The following SLC36A3 variants were observed in gnomAD, a reference collection of about 807,000 sequenced individuals.
SLC36A3 encodes the protein solute carrier family 36 member 3.
In SLC36A3, 35 loss-of-function variants were observed where a neutral mutation model predicts 44.3. The ratio of observed to expected loss-of-function variants is 0.79; its 90% CI spans 0.60 to 1.05. The LOEUF (loss-of-function observed/expected upper bound fraction) is 1.05, where lower values mean the gene tolerates loss of function less well. SLC36A3 is among the 50% of genes least tolerant of loss of function. The pLI is 0.00. For synonymous variants in SLC36A3, 211 were observed against 227.6 expected (o/e 0.93, Z 0.66); for missense variants, 540 against 578.7 (o/e 0.93, Z 0.69).
intron 6 of SLC36A3, among the ~76,000 whole-genome samples, chr5:151,286,479 G>A (rs1245518471): frequency 6.6e-6 from 1 of 152,012 alleles, no homozygotes; most frequent in East Asian, 1.9e-4. Flanking sequence ...TTTTTGTAGA[G>A]GCAGGATTTT....
chr5:151,298,317 G>T (rs1375953820), intron 2 of SLC36A3: 5 of 331,938 alleles, frequency 1.5e-5, no homozygotes, highest in African/African-American at 1.3e-4. Flanking sequence ...GAAATGAGCT[G>T]CATGTGATCC....
At chr5:151,292,848 G>T (rs1445693156) in intron 4 of SLC36A3, among the ~76,000 whole-genome samples, 3 of 152,170 alleles carry the variant, frequency 2.0e-5, no homozygotes, top group Admixed American at 2.0e-4. Flanking sequence ...ACCAGGCGTG[G>T]TGGTGGGCGC....
chr5:151,281,638 T>C (rs1209273972), intron 8 of SLC36A3, among the ~76,000 whole-genome samples: 2 of 152,056 alleles, frequency 1.3e-5, no homozygotes, highest in African/African-American at 2.4e-5. Context: ...ACCAATATGG[T>C]GAAAGCTCGT....
At chr5:151,293,340 T>A (rs1360560749) in intron 4 of SLC36A3, 24 bp downstream of exon 4, 1 of 1,586,376 alleles carries the variant, frequency 6.3e-7, no homozygotes, top group Non-Finnish European at 8.6e-7. Context: ...TTGTTGTTAC[T>A]ACTACAACAT....
At chr5:151,301,201 T>C (rs1402815491) in intron 1 of SLC36A3, among the ~76,000 whole-genome samples, 2 of 152,224 alleles carry the variant, frequency 1.3e-5, no homozygotes, top group African/African-American at 4.8e-5. Flanking sequence ...ATTCATTTCA[T>C]GGTTTGACTA....
chr5:151,287,166 GC>G, intron 6 of SLC36A3, 79 bp downstream of exon 6: 1 of 1,414,784 alleles, frequency 7.1e-7, no homozygotes, highest in South Asian at 1.3e-5. Flanking sequence ...AGCTTCACCT[GC>G]CCATCATGAT....
rs1346950765 is a variant in SLC36A3, at chr5:151,303,361, C to G, written c.-7G>C. 5.0e-6 allele frequency: 8 copies of G among 1,611,950 alleles called. No homozygotes were observed. On this transcript the variant is annotated 5_prime_UTR_variant, in exon 1 of 10. Coordinates refer to ENST00000335230, the MANE Select transcript of SLC36A3 (RefSeq NM_181774.4). Reference sequence around the variant, plus strand: ...CCCTTCCAAGCAATGACATCTTCAACACGGTGGGTAGGTGGCAGAGGCTCA... The same window carrying G: ...CCCTTCCAAGCAATGACATCTTCAAGACGGTGGGTAGGTGGCAGAGGCTCA...
chr5:151,283,917 A>C, intron 8 of SLC36A3, 127 bp downstream of exon 8: 1 of 1,206,776 alleles, frequency 8.3e-7, no homozygotes, highest in Non-Finnish European at 1.1e-6. Flanking sequence ...TGTGAGCAGG[A>C]GAGACATATG....
chr5:151,295,888 T>C lies in SLC36A3; in HGVS notation c.308+292A>G, dbSNP rs527997309. 2.0e-5 allele frequency among the ~76,000 whole-genome samples: 3 copies of C among 152,360 alleles called. No homozygotes were observed. The Middle Eastern group carries it at 0.01, about 518-fold the overall frequency. On this transcript the variant is annotated intron_variant, in intron 3 of 9. Coordinates refer to ENST00000335230, the MANE Select transcript of SLC36A3 (RefSeq NM_181774.4). ...TGTCTCAAATAAATAGAGTAATTTA[T>C]ATAGTGCTTTTGCATCTTTTATCAC...
intron 1 of SLC36A3, among the ~76,000 whole-genome samples, chr5:151,299,706 G>A (rs1349162159): frequency 6.6e-6 from 1 of 152,144 alleles, no homozygotes; most frequent in Admixed American, 6.5e-5. Context: ...CAGCTCTGCC[G>A]CTAACCTACT....
intron 3 of SLC36A3, among the ~76,000 whole-genome samples, chr5:151,293,749 A>T (rs1417422398): frequency 6.6e-6 from 1 of 152,142 alleles, no homozygotes; most frequent in Non-Finnish European, 1.5e-5. Context: ...GAAAGGGGAT[A>T]TGGAGGGGGA....
rs1246473765 is a variant in SLC36A3, at chr5:151,295,663, T to C, written c.308+517A>G. Among the ~76,000 whole-genome samples the C allele has an allele frequency of 3.3e-5, 5 of 152,242 alleles. No homozygotes were observed. The East Asian group carries it at 9.6e-4, about 29-fold the overall frequency. Reference sequence around the variant, plus strand: ...TTTTCTTTCTGAAATTGTTTTTGCATTAAAGTTTCAAATACATAAACATTG... The same window carrying C: ...TTTTCTTTCTGAAATTGTTTTTGCACTAAAGTTTCAAATACATAAACATTG... On this transcript the variant is annotated intron_variant, in intron 3 of 9. Coordinates refer to ENST00000335230, the MANE Select transcript of SLC36A3 (RefSeq NM_181774.4).
At chr5:151,297,589 C>T (rs752174146) in intron 2 of SLC36A3, 1 of 152,184 alleles carries the variant, frequency 6.6e-6, no homozygotes, top group African/African-American at 2.4e-5. Context: ...CAGAGGCTAC[C>T]GTGGGGACGT....
chr5:151,279,912 G>A (rs1420799986), intron 9 of SLC36A3, among the ~76,000 whole-genome samples: 1 of 152,150 alleles, frequency 6.6e-6, no homozygotes, highest in African/African-American at 2.4e-5. Flanking sequence ...TAATCCCACA[G>A]GTGTTTAAGG....
chr5:151,277,697 TG>T, intron 9 of SLC36A3, 36 bp from the exon 10 acceptor site: 1 of 1,599,526 alleles, frequency 6.3e-7, no homozygotes, highest in Non-Finnish European at 8.5e-7. Context: ...TCACTGAATG[TG>T]CTCAGAAACA....
chr5:151,293,296 T>A (rs901273198), intron 4 of SLC36A3, 68 bp downstream of exon 4: 22 of 1,337,148 alleles, frequency 1.6e-5, no homozygotes, highest in South Asian at 2.6e-5. Flanking sequence ...AAAACCTGTG[T>A]AAGTAGAAAT....
At position 151,276,867 on chromosome 5, in the gene SLC36A3, A is replaced by G. The variant is rs1365933026; in HGVS notation, c.*526T>C. The G allele has an allele frequency of 1.3e-5, 2 of 157,076 alleles. No individual in the cohort carries two copies. Among genetic ancestry groups the G allele is most frequent in the African/African-American group, 2.4e-5 (1 of 41,470 alleles). The allele number at this position is 157,076 out of a possible 1,614,324, so 9.7% of individuals were successfully genotyped here. On this transcript the variant is annotated 3_prime_UTR_variant, in exon 10 of 10. Coordinates refer to ENST00000335230, the MANE Select transcript of SLC36A3 (RefSeq NM_181774.4). ...AACTGTTCACTTCATAGACTGAGAG[A>G]TGGGGAGGAACTTGCCTGAGGGCCA...
intron 1 of SLC36A3, among the ~76,000 whole-genome samples, chr5:151,301,224 C>T (rs1343559057): frequency 2.0e-5 from 3 of 152,200 alleles, no homozygotes; most frequent in Non-Finnish European, 2.9e-5. Flanking sequence ...GGTATCACCC[C>T]TTTCCCAAAA....
chr5:151,280,950 G>A, intron 9 of SLC36A3, 64 bp downstream of exon 9: 3 of 1,590,802 alleles, frequency 1.9e-6, no homozygotes, highest in Non-Finnish European at 2.6e-6. Context: ...ATGATGGTGG[G>A]GTGGGCGCCA....
Sources: allele counts gnomAD v4.1 joint callset (sites outside exome capture counted in the v4.1 genomes callset), GRCh38; gene constraint gnomAD v4.1.1; transcripts MANE v1.5; gene names NCBI Gene and HGNC (gene_info 2026-07-23, HGNC 2026-07-21).